SEMA3C: variants seen among roughly 807,000 people sequenced by gnomAD.
SEMA3C encodes semaphorin 3C.
A neutral mutation model predicts 89.4 loss-of-function variants in SEMA3C; 47 were observed. The observed-to-expected ratio is 0.53, with a 90% CI of 0.42 to 0.67. The LOEUF (loss-of-function observed/expected upper bound fraction) is 0.67. Among genes scored for constraint, SEMA3C ranks in the 30% least tolerant of loss-of-function variants. SEMA3C has a pLI of 0.00. For missense variants in SEMA3C, 839 were observed against 929.1 expected (o/e 0.90, Z 1.26); for synonymous variants, 310 against 320.2 (o/e 0.97, Z 0.34).
chr7:80,921,741 G>A (rs988863286), upstream of SEMA3C, among the ~76,000 whole-genome samples: 2 of 152,136 alleles, frequency 1.3e-5, no homozygotes, highest in Admixed American at 6.6e-5. Flanking sequence ...TTATTAAGAC[G>A]TTTTAGAAAT....
intron 12 of SEMA3C, among the ~76,000 whole-genome samples, chr7:80,770,198 T>C (rs1246228483): frequency 6.6e-6 from 1 of 152,188 alleles, no homozygotes; most frequent in Non-Finnish European, 1.5e-5. Context: ...TTCTGAGTAG[T>C]AAGTGTGTTC....
intron 2 of SEMA3C, among the ~76,000 whole-genome samples, chr7:80,865,675 A>G (rs938727943): frequency 6.6e-6 from 1 of 152,116 alleles, no homozygotes; most frequent in Non-Finnish European, 1.5e-5. Flanking sequence ...GGCACCTGTA[A>G]TATCAGCTAT....
At chr7:80,840,228 A>G (rs150891641) in intron 2 of SEMA3C, among the ~76,000 whole-genome samples, 49 of 152,222 alleles carry the variant, frequency 3.2e-4, no homozygotes, top group African/African-American at 1.1e-3. Context: ...CATTCAATAG[A>G]TGGTAAAAAG....
chr7:80,765,031 C>A (rs1404442406), intron 13 of SEMA3C, 124 bp downstream of exon 13: 1 of 627,142 alleles, frequency 1.6e-6, no homozygotes, highest in Non-Finnish European at 2.7e-6. Context: ...TTCCTACCCT[C>A]AAAAATTCAT....
Position 80,815,554 on chromosome 7 carries a change from CAA to C in SEMA3C, c.447+2743_447+2744del, listed in dbSNP as rs761990267. Among the ~76,000 whole-genome samples the C allele has an allele frequency of 3.5e-3, 205 of 58,840 alleles. 2 individuals are homozygous for C. The highest frequency in any genetic ancestry group is 0.011 in the African/African-American group (164 of 15,576). 38.6% of individuals were successfully genotyped at this position (58,840 alleles called of 152,430 possible). A position where few individuals can be genotyped will look rare whatever the true frequency, so the allele number is the denominator to read the frequency against. On this transcript the variant is annotated intron_variant, in intron 5 of 17. Transcript: ENST00000265361. ...AAACCCAATCCTTTCTTTAAATGGG[CAA>C]AAAAAAAAAAAAAAAAAGTAAATGT...
At chr7:80,757,243 C>A (rs982585416) in intron 15 of SEMA3C, among the ~76,000 whole-genome samples, 1 of 152,198 alleles carries the variant, frequency 6.6e-6, no homozygotes. Context: ...CCTCTGCTAA[C>A]CCTAATTTTC....
chr7:80,822,550 C>T (rs1214810952), intron 4 of SEMA3C, among the ~76,000 whole-genome samples: 1 of 152,058 alleles, frequency 6.6e-6, no homozygotes, highest in Non-Finnish European at 1.5e-5. Context: ...GCCATCCTAC[C>T]ATAGTCTTCA....
chr7:80,888,927 G>A (rs906378291), intron 2 of SEMA3C, among the ~76,000 whole-genome samples: 12 of 151,970 alleles, frequency 7.9e-5, no homozygotes, highest in African/African-American at 2.7e-4. Context: ...GCAAGGGCGC[G>A]ATCTCTGCTC....
Position 80,746,843 on chromosome 7 carries a change from C to A in SEMA3C, c.1843-1536G>T, listed in dbSNP as rs901791270. ...GAATAAAAACTGAGTAAGTTTTATTCCATAAGTATTAGTATTATTCAATAG... is the reference window on the plus strand; with the variant it reads ...GAATAAAAACTGAGTAAGTTTTATTACATAAGTATTAGTATTATTCAATAG... On this transcript the variant is annotated intron_variant, in intron 17 of 17. Coordinates refer to ENST00000265361, the MANE Select transcript of SEMA3C (RefSeq NM_006379.5). Among the ~76,000 whole-genome samples the A allele has an allele frequency of 3.3e-5, 5 of 151,264 alleles. No individual in the cohort carries two copies. In the Admixed American group the frequency reaches 3.3e-4, roughly 10 times the overall value.
intron 2 of SEMA3C, among the ~76,000 whole-genome samples, chr7:80,851,505 A>T (rs1020058886): frequency 4.6e-3 from 21 of 4,532 alleles, no homozygotes; most frequent in Admixed American, 0.011. Context: ...TCTTGTCTTT[A>T]AAAAAAAAAA....
chr7:80,815,554 C>CAAAAAAAAAAAAAAAAAAAAAAAAA lies in SEMA3C; in HGVS notation c.447+2744_447+2745insTTTTTTTTTTTTTTTTTTTTTTTTT, dbSNP rs761990267. ...AAACCCAATCCTTTCTTTAAATGGG[C>CAAAAAAAAAAAAAAAAAAAAAAAAA]AAAAAAAAAAAAAAAAAAAGTAAAT... is the stretch of plus-strand genomic sequence containing the variant. On this transcript the variant is annotated intron_variant, in intron 5 of 17. Transcript: ENST00000265361. Among the ~76,000 whole-genome samples the CAAAAAAAAAAAAAAAAAAAAAAAAA allele has an allele frequency of 1.3e-3, 77 of 58,830 alleles. 6 individuals carry two copies. The highest frequency in any genetic ancestry group is 1.7e-3 in the Non-Finnish European group (53 of 30,838). 38.6% of individuals were successfully genotyped at this position (58,830 alleles called of 152,430 possible).
At chr7:80,883,089 T>C (rs1791391010) in intron 2 of SEMA3C, among the ~76,000 whole-genome samples, 1 of 152,200 alleles carries the variant, frequency 6.6e-6, no homozygotes, top group Non-Finnish European at 1.5e-5. Flanking sequence ...ACTTCTTTCA[T>C]GTTTTACTGT....
At chr7:80,919,282 T>G (rs1257569862), upstream of SEMA3C, 1 of 984,000 alleles carries the variant, frequency 1.0e-6, no homozygotes, top group African/African-American at 1.8e-5. Flanking sequence ...AGCTCGCGGC[T>G]GGCCAGACGC....
At chr7:80,898,230 G>A (rs1791786881) in intron 2 of SEMA3C, among the ~76,000 whole-genome samples, 1 of 152,092 alleles carries the variant, frequency 6.6e-6, no homozygotes, top group Admixed American at 6.6e-5. Context: ...GCCAGGCATG[G>A]TGGCACATGC....
rs183540858 is a variant in SEMA3C, at chr7:80,745,355, C to T, written c.1843-48G>A. 125 of 1,545,058 alleles carry T rather than the reference C, an allele frequency of 8.1e-5. No individual in the cohort carries two copies. In the African/African-American group the frequency reaches 1.6e-3, roughly 19 times the overall value. On this transcript the variant is annotated intron_variant, in intron 17 of 17. Transcript: ENST00000265361. ...TTACTGAAACTGAACATTATATTTC[C>T]TTAGATTATGACCAACATACACAGA...
At chr7:80,830,954 A>G (rs987625956) in intron 2 of SEMA3C, among the ~76,000 whole-genome samples, 5 of 152,204 alleles carry the variant, frequency 3.3e-5, no homozygotes, top group African/African-American at 1.2e-4. Flanking sequence ...ATAGAATCAA[A>G]GCAAGTATCA....
chr7:80,877,760 T>C (rs1791234241), intron 2 of SEMA3C, among the ~76,000 whole-genome samples: 1 of 152,226 alleles, frequency 6.6e-6, no homozygotes, highest in Admixed American at 6.5e-5. Context: ...AGAAAATTGA[T>C]TGTAATAAGG....
At chr7:80,860,443 T>C (rs761589326) in intron 2 of SEMA3C, among the ~76,000 whole-genome samples, 5 of 152,172 alleles carry the variant, frequency 3.3e-5, no homozygotes, top group Non-Finnish European at 7.3e-5. Flanking sequence ...GCTCTGGACA[T>C]ACAATAGATC....
intron 2 of SEMA3C, among the ~76,000 whole-genome samples, chr7:80,856,865 C>A (rs1010591150): frequency 6.6e-6 from 1 of 152,080 alleles, no homozygotes; most frequent in Non-Finnish European, 1.5e-5. Flanking sequence ...CCAAGTATGG[C>A]TGAAATTCAA....
Sources: allele counts gnomAD v4.1 joint callset (sites outside exome capture counted in the v4.1 genomes callset), GRCh38; gene constraint gnomAD v4.1.1; transcripts MANE v1.5; gene names NCBI Gene and HGNC (gene_info 2026-07-23, HGNC 2026-07-21).